Variants in LRPAP1 observed in about 807,000 individuals in gnomAD.
LRPAP1 encodes alpha-2-macroglobulin receptor-associated protein.
A neutral mutation model predicts 39.9 loss-of-function variants in LRPAP1; 41 were observed. The ratio of observed to expected loss-of-function variants is 1.03; its 90% CI spans 0.80 to 1.33. The LOEUF is 1.33. Ranked by LOEUF, LRPAP1 falls within the 40% of genes most tolerant of loss-of-function variation. LRPAP1 has a pLI of 0.00. For missense variants in LRPAP1, 565 were observed against 482.3 expected (o/e 1.17, Z -1.61); for synonymous variants, 263 against 212.7 (o/e 1.24, Z -2.06).
intron 1 of LRPAP1, among the ~76,000 whole-genome samples, chr4:3,527,541 T>C (rs1436720607): frequency 6.6e-6 from 1 of 152,250 alleles, no homozygotes. Flanking sequence ...GGCGCCTTAC[T>C]TACCGTGCTG....
In LRPAP1 at chr4:3,510,920, C is replaced by G. The variant is rs1178198310; in HGVS notation, c.*2054G>C. The G allele has an allele frequency of 6.6e-6, 1 of 152,188 alleles. No homozygotes were observed. The highest frequency in any genetic ancestry group is 1.5e-5 in the Non-Finnish European group (1 of 68,056). 9.4% of individuals were successfully genotyped at this position (152,188 alleles called of 1,614,324 possible). On this transcript the variant is annotated 3_prime_UTR_variant, in exon 8 of 8. Coordinates refer to ENST00000650182, the MANE Select transcript of LRPAP1 (RefSeq NM_002337.4). ...CACCTACATCCTTCGTGAGTGCGCA[C>G]CATGACCAGCCACACCCATGGAACT... is the stretch of plus-strand genomic sequence containing the variant.
intron 1 of LRPAP1, among the ~76,000 whole-genome samples, chr4:3,527,553 A>G (rs963866288): frequency 1.3e-5 from 2 of 152,228 alleles, no homozygotes; most frequent in Non-Finnish European, 1.5e-5. Context: ...ACCGTGCTGC[A>G]CTGCCCGGGA....
At chr4:3,525,296 A>G in intron 1 of LRPAP1, 1 of 531,902 alleles carries the variant, frequency 1.9e-6, no homozygotes, top group Non-Finnish European at 3.4e-6. Flanking sequence ...GCTCCCCACC[A>G]GCAGCGGCTG....
rs71180190 is a variant in LRPAP1, at chr4:3,504,745, CA to C, written c.*8228del. Among the ~76,000 whole-genome samples, 43,464 of 87,084 alleles carry C rather than the reference CA, an allele frequency of 0.5. 7,010 individuals carry two copies. Among genetic ancestry groups the C allele is most frequent in the East Asian group, 0.57 (1,774 of 3,092 alleles). 57.1% of individuals were successfully genotyped at this position (87,084 alleles called of 152,430 possible). A position where few individuals can be genotyped will look rare whatever the true frequency, so the allele number is the denominator to read the frequency against. On this transcript the variant is annotated 3_prime_UTR_variant, in exon 8 of 8. Transcript: ENST00000650182. ...AGCCTGAGCAATTGAGATTCCATCT[CA>C]AAAAAAAAAAAAAAAAAACCAAAAA...
chr4:3,518,736 C>A, intron 4 of LRPAP1, 135 bp downstream of exon 4: 1 of 608,940 alleles, frequency 1.6e-6, no homozygotes, highest in Non-Finnish European at 2.8e-6. Context: ...GCGTCTGGTG[C>A]CGCCTCCCTG....
rs1794423 is a variant in LRPAP1, at chr4:3,510,836, C to T, written c.*2138G>A. On this transcript the variant is annotated 3_prime_UTR_variant, in exon 8 of 8. Transcript: ENST00000650182. ...ATGGCAGGCGGGAGGTAGGGAGCTGCGGTGGTAGGAGTCAGAATGGGTACC... is the reference window on the plus strand; with the variant it reads ...ATGGCAGGCGGGAGGTAGGGAGCTGTGGTGGTAGGAGTCAGAATGGGTACC... 0.31 allele frequency: 47,363 copies of T among 152,226 alleles called. 8,724 individuals carry two copies. Among genetic ancestry groups the T allele is most frequent in the East Asian group, 0.77 (3,968 of 5,166 alleles). 9.4% of individuals were successfully genotyped at this position (152,226 alleles called of 1,614,324 possible). A position where few individuals can be genotyped will look rare whatever the true frequency, so the allele number is the denominator to read the frequency against.
rs3838318 is a variant in LRPAP1, at chr4:3,517,160, T to TG, written c.751+873dup. Among the ~76,000 whole-genome samples the TG allele has an allele frequency of 2.3e-3, 357 of 152,262 alleles. 9 individuals are homozygous for TG. In the East Asian group the frequency reaches 0.058, roughly 25 times the overall value. On this transcript the variant is annotated intron_variant, in intron 5 of 7. Transcript: ENST00000650182. Reference sequence around the variant, plus strand: ...AGGTCAGGCTAAGGGAGCCTGGGTTTGGGGGTGGGTGGTGAGGGGTCTTGC... The same window carrying TG: ...AGGTCAGGCTAAGGGAGCCTGGGTTTGGGGGGTGGGTGGTGAGGGGTCTTGC...
chr4:3,526,499 C>T (rs1730081984), intron 1 of LRPAP1, among the ~76,000 whole-genome samples: 2 of 152,342 alleles, frequency 1.3e-5, no homozygotes, highest in South Asian at 2.1e-4. Flanking sequence ...ATAAAGTTTA[C>T]GTAAAACAGT....
At position 3,507,067 on chromosome 4, in the gene LRPAP1, T is replaced by C. The variant is rs1441070528; in HGVS notation, c.*5907A>G. 6.6e-6 allele frequency: 1 copy of C among 152,150 alleles called. No homozygotes were observed. The highest frequency in any genetic ancestry group is 2.4e-5 in the African/African-American group (1 of 41,408). The allele number at this position is 152,150 out of a possible 1,614,324, so 9.4% of individuals were successfully genotyped here. A position where few individuals can be genotyped will look rare whatever the true frequency, so the allele number is the denominator to read the frequency against. On this transcript the variant is annotated 3_prime_UTR_variant, in exon 8 of 8. Coordinates refer to ENST00000650182, the MANE Select transcript of LRPAP1 (RefSeq NM_002337.4). ...CCCAGTCTCTATAAAAAAAACCTTT[T>C]CTTTAAATTAGCAGAGCATAGTGAT...
At position 3,525,024 on chromosome 4, in the gene LRPAP1, C is replaced by A; in HGVS notation, c.232G>T (p.Glu78Ter). The stretch of plus-strand genomic sequence containing the variant: ...TGTATCTTCAGATCAGCGTGGAGCT[C>A]GGCCAGCCTCACGGGAGGAAGATGC... ...RLHLPPVRLA[E>*]LHADLKIQER... The change falls in exon 2 of 8, where the codon GAG becomes TAG. Residue 78 changes from glutamate to a stop codon, truncating the protein, a stop_gained. Coordinates refer to ENST00000650182, the MANE Select transcript of LRPAP1 (RefSeq NM_002337.4). LOFTEE classifies it high-confidence loss of function. 1 of 1,614,008 alleles carries A rather than the reference C, an allele frequency of 6.2e-7. No homozygotes were observed. Among genetic ancestry groups the A allele is most frequent in the South Asian group, 1.1e-5 (1 of 91,072 alleles).
At position 3,518,776 on chromosome 4, in the gene LRPAP1, G is replaced by A. The variant is rs1800487; in HGVS notation, c.592+95C>T. The A allele has an allele frequency of 9.7e-3, 7,981 of 823,864 alleles. 62 individuals carry two copies. The highest frequency in any genetic ancestry group is 0.012 in the Non-Finnish European group (6,710 of 539,974). 51.0% of individuals were successfully genotyped at this position (823,864 alleles called of 1,614,324 possible). A position where few individuals can be genotyped will look rare whatever the true frequency, so the allele number is the denominator to read the frequency against. The stretch of plus-strand genomic sequence containing the variant: ...TGCTGTGTTCCTGAGGGGAGCTGAG[G>A]CTGCCCACTGAGCACAACGAGCCTC... On this transcript the variant is annotated intron_variant, in intron 4 of 7. Transcript: ENST00000650182.
At chr4:3,520,250 C>T (rs1356407314) in intron 2 of LRPAP1, 57 bp from the exon 3 acceptor site, 5 of 1,584,060 alleles carry the variant, frequency 3.2e-6, no homozygotes, top group Non-Finnish European at 4.3e-6. Context: ...CAGTCAAAAG[C>T]CAACACATCT....
chr4:3,513,684 G>C (rs560507809), intron 7 of LRPAP1, among the ~76,000 whole-genome samples: 1 of 152,164 alleles, frequency 6.6e-6, no homozygotes, highest in Admixed American at 6.5e-5. Context: ...CCTCCTCAGG[G>C]CCTGGGAGGG....
At chr4:3,522,326 C>T (rs1198106268) in intron 2 of LRPAP1, among the ~76,000 whole-genome samples, 1 of 152,262 alleles carries the variant, frequency 6.6e-6, no homozygotes, top group East Asian at 1.9e-4. Flanking sequence ...GCTGGTCAGA[C>T]CCCATCAAAA....
At chr4:3,524,077 C>T (rs1037137181) in intron 2 of LRPAP1, among the ~76,000 whole-genome samples, 1 of 152,166 alleles carries the variant, frequency 6.6e-6, no homozygotes, top group Admixed American at 6.5e-5. Flanking sequence ...CAGCAGGCAG[C>T]TGAGCACTCG....
intron 4 of LRPAP1, among the ~76,000 whole-genome samples, chr4:3,518,401 C>A (rs1348323917): frequency 3.3e-5 from 5 of 152,332 alleles, no homozygotes; most frequent in African/African-American, 1.2e-4. Flanking sequence ...CCGGGACACG[C>A]GCACCAAGTG....
rs994608505 is a variant in LRPAP1, at chr4:3,532,088, G to A, written c.204+121C>T. ...GGAGGCTGTGCCAAGGACAGGGCGC[G>A]TAGGGCACAGGTGCCCCGGCTGCGC... is the stretch of plus-strand genomic sequence containing the variant. On this transcript the variant is annotated intron_variant, in intron 1 of 7. Transcript: ENST00000650182. The A allele has an allele frequency of 1.1e-5, 12 of 1,120,688 alleles. No individual in the cohort carries two copies. The African/African-American group carries it at 1.4e-4, about 13-fold the overall frequency. 69.4% of individuals were successfully genotyped at this position (1,120,688 alleles called of 1,614,324 possible).
intron 2 of LRPAP1, among the ~76,000 whole-genome samples, chr4:3,522,681 G>A (rs1457970001): frequency 9.1e-6 from 1 of 109,678 alleles, no homozygotes; most frequent in Non-Finnish European, 2.1e-5. Flanking sequence ...CACACCCCCT[G>A]CCTGGGGAGG....
At position 3,525,041 on chromosome 4, in the gene LRPAP1, G is replaced by A; in HGVS notation, c.215C>T (p.Pro72Leu). The A allele has an allele frequency of 6.2e-7, 1 of 1,614,016 alleles. No homozygotes were observed. Among genetic ancestry groups the A allele is most frequent in the Non-Finnish European group, 8.5e-7 (1 of 1,180,028 alleles). Reference sequence around the variant, plus strand: ...GTGGAGCTCGGCCAGCCTCACGGGAGGAAGATGCAGCTGCGAACGAAGGGG... The same window carrying A: ...GTGGAGCTCGGCCAGCCTCACGGGAAGAAGATGCAGCTGCGAACGAAGGGG... Reference protein sequence around the residue: ...LWEKAQRLHLPPVRLAELHAD... With the variant: ...LWEKAQRLHLLPVRLAELHAD... Residue 72 changes from proline (P) to leucine (L), a missense_variant, in exon 2 of 8, where the codon CCT becomes CTT. Pro to Leu is a moderately conservative substitution (Grantham distance 98, BLOSUM62 -3). Transcript: ENST00000650182.
Sources: gnomAD v4.1 joint callset for allele counts (sites outside exome capture counted in the v4.1 genomes callset) on GRCh38, gnomAD v4.1.1 for gene constraint, MANE v1.5 for transcripts, NCBI Gene and HGNC (gene_info 2026-07-23, HGNC 2026-07-21) for gene names.